The following ACSL1 variants were observed in gnomAD, a reference collection of about 807,000 sequenced individuals.
ACSL1 encodes acyl-CoA synthetase long chain family member 1, also known as long-chain-fatty-acid--CoA ligase 1.
ACSL1 carries 41 observed loss-of-function variants against 98.4 expected under a neutral mutation model. The ratio of observed to expected loss-of-function variants is 0.42; its 90% CI spans 0.32 to 0.54. The LOEUF is 0.54. Ranked by LOEUF, ACSL1 falls within the 20% of genes least tolerant of loss-of-function variation. The probability of loss-of-function intolerance (pLI) is 0.13; values close to 1 mark genes in which losing one functional copy is unlikely to be tolerated. For synonymous variants in ACSL1, 316 were observed against 322.7 expected, an observed-to-expected ratio of 0.98 and a Z score of 0.22; for missense variants, 734 against 883.1, an observed-to-expected ratio of 0.83 and a Z score of 2.14.
Position 184,825,031 on chromosome 4 carries a change from A to G in ACSL1, c.-33+885T>C. 4.2e-6 allele frequency: 1 copy of G among 238,484 alleles called. No individual in the cohort carries two copies. Among genetic ancestry groups the G allele is most frequent in the Non-Finnish European group, 6.8e-6 (1 of 146,934 alleles). The allele number at this position is 238,484 out of a possible 1,614,324, so 14.8% of individuals were successfully genotyped here. On this transcript the variant is annotated intron_variant, in intron 1 of 20. Coordinates refer to ENST00000281455, the MANE Select transcript of ACSL1 (RefSeq NM_001995.5). The surrounding 1 kb of genome is among the most constrained non-coding windows in gnomAD (Gnocchi z 4.7). ...CAGTGAGAGTCGCGGGACTTTAGAC[A>G]CTCCTGCACCAAGAAGCTTAAAAGT... is the stretch of plus-strand genomic sequence containing the variant.
At chr4:184,779,009 G>C (rs1417223759) in intron 5 of ACSL1, among the ~76,000 whole-genome samples, 2 of 151,502 alleles carry the variant, frequency 1.3e-5, no homozygotes, top group Non-Finnish European at 2.9e-5. Context: ...GCAGGTATAA[G>C]AATAAATTCG....
chr4:184,759,012 C>T (rs551458041), intron 18 of ACSL1: 1 of 145,806 alleles, frequency 6.9e-6, no homozygotes, highest in African/African-American at 2.5e-5. Flanking sequence ...TGTTTTTTGT[C>T]CTTGTGATAG....
chr4:184,784,568 G>A (rs1200841104), intron 3 of ACSL1, among the ~76,000 whole-genome samples: 1 of 152,152 alleles, frequency 6.6e-6, no homozygotes, highest in Non-Finnish European at 1.5e-5. Context: ...GCGGTATCTG[G>A]GAAGCAAAAG....
chr4:184,760,546 T>C, intron 17 of ACSL1, 46 bp from the exon 18 acceptor site: 1 of 1,610,356 alleles, frequency 6.2e-7, no homozygotes, highest in African/African-American at 1.3e-5. Context: ...GATGGCTGGT[T>C]TCCAACCAGG....
chr4:184,793,773 G>A (rs1768843810), intron 2 of ACSL1, among the ~76,000 whole-genome samples: 1 of 152,128 alleles, frequency 6.6e-6, no homozygotes. Context: ...CCATCTCTAG[G>A]GTGCAAAGGA....
At chr4:184,772,896 C>T (rs115001302) in intron 10 of ACSL1, among the ~76,000 whole-genome samples, 185 bp downstream of exon 10, 85 of 152,192 alleles carry the variant, frequency 5.6e-4, no homozygotes, top group African/African-American at 2.0e-3. Context: ...CAAGGGTTGG[C>T]GATTAGGTTC....
intron 5 of ACSL1, among the ~76,000 whole-genome samples, chr4:184,777,700 T>C (rs1162890283): frequency 1.3e-5 from 2 of 151,618 alleles, no homozygotes; most frequent in Non-Finnish European, 2.9e-5. Context: ...GACCCAGAGA[T>C]AAGAAAGCCC....
chr4:184,758,248 C>A, intron 18 of ACSL1: 1 of 242,648 alleles, frequency 4.1e-6, no homozygotes, highest in South Asian at 7.4e-5. Context: ...TGATGGATAT[C>A]AGATAACTGC....
chr4:184,779,521 C>A (rs1021004431), intron 5 of ACSL1, among the ~76,000 whole-genome samples: 12 of 152,160 alleles, frequency 7.9e-5, no homozygotes, highest in Non-Finnish European at 1.5e-4. Context: ...TGGGCTTAGA[C>A]CACCAATGAC....
intron 1 of ACSL1, among the ~76,000 whole-genome samples, chr4:184,822,563 C>A (rs541500418): frequency 2.0e-5 from 3 of 152,060 alleles, no homozygotes; most frequent in African/African-American, 7.2e-5. Flanking sequence ...ATGGCAAAAC[C>A]GCTTCACTAC....
intron 7 of ACSL1, 104 bp downstream of exon 7, chr4:184,776,380 G>A: frequency 7.5e-7 from 1 of 1,337,756 alleles, no homozygotes; most frequent in East Asian, 2.4e-5. Context: ...CAACCGGCCA[G>A]CGCTGGGACT....
chr4:184,816,061 C>G (rs1772606085), intron 1 of ACSL1, among the ~76,000 whole-genome samples: 2 of 151,490 alleles, frequency 1.3e-5, no homozygotes, highest in Non-Finnish European at 2.9e-5. Flanking sequence ...GGCGCAGCGG[C>G]AGTGAGCCAA....
chr4:184,762,661 C>G, intron 16 of ACSL1, 138 bp from the exon 17 acceptor site: 1 of 734,790 alleles, frequency 1.4e-6, no homozygotes, highest in South Asian at 1.7e-5. Context: ...GAGGGAGTTA[C>G]CAGAGCCCCA....
At chr4:184,777,128 G>T in intron 5 of ACSL1, 145 bp from the exon 6 acceptor site, 1 of 690,170 alleles carries the variant, frequency 1.4e-6, no homozygotes, top group Non-Finnish European at 2.4e-6. Context: ...TGTGCCAGGT[G>T]CTATAAGGGA....
chr4:184,786,003 G>A (rs745750490), intron 3 of ACSL1, among the ~76,000 whole-genome samples: 34 of 152,124 alleles, frequency 2.2e-4, no homozygotes, highest in Non-Finnish European at 4.3e-4. Context: ...GTGTGGGTGA[G>A]CGGAGTGAGT....
At chr4:184,786,427 C>T (rs561965628) in intron 3 of ACSL1, among the ~76,000 whole-genome samples, 2,021 of 121,330 alleles carry the variant, frequency 0.017, 67 homozygotes, top group African/African-American at 0.051. Context: ...AGCACACACA[C>T]ACACACACAC....
intron 1 of ACSL1, among the ~76,000 whole-genome samples, chr4:184,816,758 A>C (rs984817724): frequency 2.0e-5 from 3 of 152,106 alleles, no homozygotes; most frequent in Non-Finnish European, 4.4e-5. Flanking sequence ...CCTGTCTCTC[A>C]GGTGACATTT....
chr4:184,813,559 G>C (rs552559643), intron 1 of ACSL1: 1 of 229,810 alleles, frequency 4.4e-6, no homozygotes, highest in East Asian at 9.7e-5. Context: ...AGGAAGAGTC[G>C]GAATTGTGTC....
rs181263648 is a variant in ACSL1 at position 184,785,766 on chromosome 4, T to C, written c.311-1775A>G. Among the ~76,000 whole-genome samples the C allele has an allele frequency of 3.9e-5, 6 of 152,320 alleles. No individual in the cohort carries two copies. The East Asian group carries it at 9.6e-4, about 24-fold the overall frequency. ...GGAGCAAGCGACCAAAGAAAAGTTA[T>C]GTGACTTGTCTTCAGATCAGAGGAG... On this transcript the variant is annotated intron_variant, in intron 3 of 20. Coordinates refer to ENST00000281455, the MANE Select transcript of ACSL1 (RefSeq NM_001995.5).
Sources: gnomAD v4.1 joint callset for allele counts (sites outside exome capture counted in the v4.1 genomes callset) on GRCh38, gnomAD v4.1.1 for gene constraint, Gnocchi (gnomAD v3.1) non-coding constraint, MANE v1.5 for transcripts, NCBI Gene and HGNC (gene_info 2026-07-23, HGNC 2026-07-21) for gene names.